ENTHD1: variants seen among roughly 807,000 people sequenced by gnomAD.
ENTHD1 encodes ENTH domain containing 1.
In ENTHD1, 23 loss-of-function variants were observed where a neutral mutation model predicts 39.1. The observed-to-expected ratio is 0.59, with a 90% CI of 0.42 to 0.83. ENTHD1 has a LOEUF of 0.83. Ranked by LOEUF, ENTHD1 falls within the 40% of genes least tolerant of loss-of-function variation. ENTHD1 has a pLI of 0.00. For missense variants in ENTHD1, 624 were observed against 705.4 expected, an observed-to-expected ratio of 0.88 and a Z score of 1.31; for synonymous variants, 230 against 258.2, an observed-to-expected ratio of 0.89 and a Z score of 1.05.
At chr22:39,829,752 G>A (rs902226105) in intron 4 of ENTHD1, among the ~76,000 whole-genome samples, 2 of 151,590 alleles carry the variant, frequency 1.3e-5, no homozygotes, top group Admixed American at 6.6e-5. Flanking sequence ...GATCATGCCA[G>A]TGCACTTCAG....
intron 3 of ENTHD1, among the ~76,000 whole-genome samples, chr22:39,844,405 C>T (rs2065970681): frequency 6.6e-6 from 1 of 151,950 alleles, no homozygotes. Flanking sequence ...TAATGAGAAA[C>T]AGGGAAATTC....
intron 4 of ENTHD1, among the ~76,000 whole-genome samples, chr22:39,828,403 CATAATT>C (rs1408525428): frequency 6.6e-6 from 1 of 152,068 alleles, no homozygotes; most frequent in Non-Finnish European, 1.5e-5. Flanking sequence ...AATGAATTAA[CATAATT>C]AGAATAAGTA....
intron 5 of ENTHD1, among the ~76,000 whole-genome samples, chr22:39,792,178 A>C (rs1311208453): frequency 6.6e-6 from 1 of 152,074 alleles, no homozygotes; most frequent in East Asian, 1.9e-4. Flanking sequence ...TTCTATTGTG[A>C]ATAGTGCTGC....
chr22:39,795,418 T>G (rs545397329), intron 5 of ENTHD1, among the ~76,000 whole-genome samples: 2 of 151,944 alleles, frequency 1.3e-5, no homozygotes, highest in Admixed American at 1.3e-4. Context: ...GCTTTTTTTT[T>G]TCTTTTTTCT....
At chr22:39,822,580 A>C (rs2065791832) in intron 4 of ENTHD1, among the ~76,000 whole-genome samples, 1 of 152,222 alleles carries the variant, frequency 6.6e-6, no homozygotes. Context: ...GAGAGATTGC[A>C]CAAAAAACAG....
intron 6 of ENTHD1, among the ~76,000 whole-genome samples, chr22:39,747,722 T>C (rs1279634437): frequency 6.6e-6 from 1 of 152,130 alleles, no homozygotes; most frequent in Admixed American, 6.5e-5. Flanking sequence ...TACCTTCCAT[T>C]ACTCTTAGTT....
chr22:39,811,260 T>G (rs1355141048), intron 5 of ENTHD1, among the ~76,000 whole-genome samples: 2 of 152,218 alleles, frequency 1.3e-5, no homozygotes, highest in African/African-American at 4.8e-5. Context: ...ATGGGTATGC[T>G]GCTGTCTCTA....
At position 39,850,434 on chromosome 22, in the gene ENTHD1, T is replaced by C. The variant is rs1190174294; in HGVS notation, c.592+11331A>G. Among the ~76,000 whole-genome samples, 4 of 152,352 alleles carry C rather than the reference T, an allele frequency of 2.6e-5. No homozygotes were observed. The East Asian group carries it at 7.7e-4, about 29-fold the overall frequency. ...TTCCATACATTGCTTTCAATCTTTATGTGAATTTATGCTTGCAGCATATAT... is the reference window on the plus strand; with the variant it reads ...TTCCATACATTGCTTTCAATCTTTACGTGAATTTATGCTTGCAGCATATAT... On this transcript the variant is annotated intron_variant, in intron 3 of 6. Transcript: ENST00000325157.
At chr22:39,866,141 G>A (rs1423176905) in intron 2 of ENTHD1, among the ~76,000 whole-genome samples, 9 of 152,180 alleles carry the variant, frequency 5.9e-5, no homozygotes, top group Non-Finnish European at 1.0e-4. Flanking sequence ...CACAACGGGG[G>A]CGTGAGGGTA....
rs1050233326 is a variant in ENTHD1, at chr22:39,806,106, A to G, written c.832+14887T>C. 5.3e-5 allele frequency among the ~76,000 whole-genome samples: 8 copies of G among 152,356 alleles called. 1 individual carries two copies. The highest frequency in any genetic ancestry group is 6.8e-3 in the Middle Eastern group (2 of 294). On this transcript the variant is annotated intron_variant, in intron 5 of 6. Transcript: ENST00000325157. ...TAGAAACTCGGGGGAAATCAATGCT[A>G]CATCTCTGGGTTCCTGCCACACTAC...
intron 4 of ENTHD1, among the ~76,000 whole-genome samples, chr22:39,831,459 ATG>A (rs1166724313): frequency 5.3e-5 from 8 of 152,206 alleles, no homozygotes; most frequent in Non-Finnish European, 8.8e-5. Flanking sequence ...GCTACTCAAG[ATG>A]AGCTTATAAT....
intron 4 of ENTHD1, among the ~76,000 whole-genome samples, chr22:39,822,029 G>A (rs560914561): frequency 6.6e-6 from 1 of 152,272 alleles, no homozygotes; most frequent in Admixed American, 6.5e-5. Flanking sequence ...ATCTCTAACT[G>A]ATAATAACTG....
At chr22:39,890,042 G>A (rs546838115) in intron 1 of ENTHD1, among the ~76,000 whole-genome samples, 2 of 151,830 alleles carry the variant, frequency 1.3e-5, no homozygotes, top group South Asian at 4.1e-4. Context: ...AGGTTGCACT[G>A]AGCCGAGATT....
chr22:39,779,435 C>T (rs770992281), intron 5 of ENTHD1, among the ~76,000 whole-genome samples: 3 of 151,772 alleles, frequency 2.0e-5, no homozygotes, highest in Non-Finnish European at 2.9e-5. Flanking sequence ...AAAATAACAA[C>T]TGAAATTTTA....
intron 2 of ENTHD1, among the ~76,000 whole-genome samples, chr22:39,866,476 C>T (rs2066182553): frequency 6.6e-6 from 1 of 152,158 alleles, no homozygotes; most frequent in Non-Finnish European, 1.5e-5. Flanking sequence ...GGTGATGTGC[C>T]AGACTTTAAT....
At chr22:39,871,524 A>C (rs953694570) in intron 2 of ENTHD1, among the ~76,000 whole-genome samples, 1 of 152,242 alleles carries the variant, frequency 6.6e-6, no homozygotes, top group Non-Finnish European at 1.5e-5. Flanking sequence ...TGACCTTAGC[A>C]TATACTTACC....
At chr22:39,836,247 T>C (rs1372281034) in intron 3 of ENTHD1, among the ~76,000 whole-genome samples, 5 of 152,154 alleles carry the variant, frequency 3.3e-5, no homozygotes, top group Admixed American at 1.3e-4. Context: ...ACTTATGTGG[T>C]TTTGATTGAC....
At chr22:39,877,375 A>G (rs1377992382) in intron 2 of ENTHD1, among the ~76,000 whole-genome samples, 1 of 152,234 alleles carries the variant, frequency 6.6e-6, no homozygotes, top group Non-Finnish European at 1.5e-5. Context: ...TCGCCACTCC[A>G]TCCTAACAAG....
chr22:39,790,461 A>G (rs150262619), intron 5 of ENTHD1, among the ~76,000 whole-genome samples: 54 of 152,244 alleles, frequency 3.5e-4, no homozygotes, highest in Middle Eastern at 6.8e-3. Context: ...CCAGGTGGCT[A>G]TTTTTGACAC....
Sources: gnomAD v4.1 joint callset for allele counts (sites outside exome capture counted in the v4.1 genomes callset) on GRCh38, gnomAD v4.1.1 for gene constraint, MANE v1.5 for transcripts, NCBI Gene and HGNC (gene_info 2026-07-23, HGNC 2026-07-21) for gene names.